The following UNC13C variants were observed in gnomAD, a reference collection of about 807,000 sequenced individuals.
UNC13C encodes protein unc-13 homolog C.
A neutral mutation model predicts 245.4 loss-of-function variants in UNC13C; 174 were observed. The observed-to-expected ratio is 0.71, with a 90% confidence interval of 0.63 to 0.80. UNC13C has a LOEUF of 0.80. Ranked by LOEUF, UNC13C falls within the 30% of genes least tolerant of loss-of-function variation. The pLI is 0.00. For missense variants in UNC13C, 2,829 were observed against 2,602.9 expected (o/e 1.09, Z -1.89); for synonymous variants, 992 against 895.1 (o/e 1.11, Z -1.93).
intron 23 of UNC13C, among the ~76,000 whole-genome samples, chr15:54,510,040 G>A (rs1894665455): frequency 6.6e-6 from 1 of 152,072 alleles, no homozygotes; most frequent in Non-Finnish European, 1.5e-5. Context: ...AAGAAGAGTT[G>A]GCAGTTGACC....
At chr15:53,879,750 C>T in the UNC13C span, among the ~76,000 whole-genome samples, 2 of 152,068 alleles carry the variant, frequency 1.3e-5, no homozygotes, top group Non-Finnish European at 2.9e-5. Flanking sequence ...ACCATGCCAG[C>T]TAATGTTTGT....
chr15:54,430,959 G>T (rs573738845), intron 19 of UNC13C, among the ~76,000 whole-genome samples: 2 of 151,704 alleles, frequency 1.3e-5, no homozygotes, highest in East Asian at 3.9e-4. Context: ...GAACCATGTT[G>T]CAACTTCTCT....
intron 2 of UNC13C, among the ~76,000 whole-genome samples, chr15:54,025,989 C>T (rs1022474005): frequency 1.3e-5 from 2 of 152,008 alleles, no homozygotes; most frequent in Admixed American, 1.3e-4. Flanking sequence ...GTGGAAAGCC[C>T]GTGGTTTTAG....
intron 17 of UNC13C, among the ~76,000 whole-genome samples, chr15:54,347,858 T>G (rs1051460863): frequency 6.6e-6 from 1 of 152,202 alleles, no homozygotes. Flanking sequence ...AAATCTCTGT[T>G]ATGAATTTCT....
intron 30 of UNC13C, among the ~76,000 whole-genome samples, chr15:54,586,309 TAAAC>T (rs761125434): frequency 6.6e-5 from 10 of 152,236 alleles, no homozygotes; most frequent in Non-Finnish European, 1.5e-4. Flanking sequence ...TTGGGTAACT[TAAAC>T]AAGAGATATT....
At chr15:54,204,097 A>G (rs1000620073) in intron 4 of UNC13C, among the ~76,000 whole-genome samples, 5 of 151,770 alleles carry the variant, frequency 3.3e-5, no homozygotes, top group African/African-American at 1.2e-4. Context: ...CTAACCTATG[A>G]GGACACAAAG....
intron 10 of UNC13C, among the ~76,000 whole-genome samples, chr15:54,280,682 A>G (rs573251514): frequency 0.15 from 13,777 of 92,474 alleles, 772 homozygotes; most frequent in African/African-American, 0.24. Context: ...ATACATATAT[A>G]CATATATAAA....
the UNC13C span, chr15:53,955,720 GC>G: frequency 6.6e-6 from 1 of 152,142 alleles, no homozygotes; most frequent in East Asian, 1.9e-4. Flanking sequence ...AAATCTGGAG[GC>G]TTTAAACATG....
chr15:53,986,828 G>A (rs1034932405), intron 1 of UNC13C, among the ~76,000 whole-genome samples: 1 of 151,980 alleles, frequency 6.6e-6, no homozygotes, highest in African/African-American at 2.4e-5. Context: ...CCTGTTATAT[G>A]TTAATGCAAA....
chr15:54,019,851 C>T (rs1226360341), intron 2 of UNC13C, among the ~76,000 whole-genome samples: 1 of 152,064 alleles, frequency 6.6e-6, no homozygotes, highest in Non-Finnish European at 1.5e-5. Flanking sequence ...AGTAGTTGTT[C>T]CTGGGATGTT....
intron 32 of UNC13C, among the ~76,000 whole-genome samples, chr15:54,625,012 G>A (rs1474299254): frequency 6.6e-6 from 1 of 152,032 alleles, no homozygotes; most frequent in Non-Finnish European, 1.5e-5. Flanking sequence ...ATGTATTATT[G>A]AAATACACTA....
chr15:53,921,943 G>C, the UNC13C span, among the ~76,000 whole-genome samples: 13 of 152,184 alleles, frequency 8.5e-5, no homozygotes, highest in Admixed American at 4.6e-4. Flanking sequence ...CGACTTGTGA[G>C]TTAGTTGGTT....
intron 2 of UNC13C, among the ~76,000 whole-genome samples, chr15:54,099,688 A>G (rs533274267): frequency 1.3e-5 from 2 of 152,132 alleles, no homozygotes; most frequent in Non-Finnish European, 2.9e-5. Flanking sequence ...AAAATGAAAG[A>G]AAATCTCTTG....
At chr15:53,987,203 T>C (rs1595681325) in intron 1 of UNC13C, among the ~76,000 whole-genome samples, 2 of 152,190 alleles carry the variant, frequency 1.3e-5, no homozygotes, top group South Asian at 2.1e-4. Flanking sequence ...TTTAGATAAA[T>C]AGGCATTTCT....
the UNC13C span, among the ~76,000 whole-genome samples, chr15:53,885,060 TTAA>T: frequency 1.3e-5 from 2 of 152,234 alleles, no homozygotes; most frequent in Non-Finnish European, 2.9e-5. Context: ...AGAGTGGATC[TTAA>T]TATATATGCA....
chr15:54,014,489 C>A lies in UNC13C; in HGVS notation c.1586C>A (p.Ala529Glu), dbSNP rs749679263. The A allele has an allele frequency of 6.3e-5, 102 of 1,613,660 alleles. No homozygotes were observed. Among genetic ancestry groups the A allele is most frequent in the Non-Finnish European group, 7.8e-5 (92 of 1,179,798 alleles). The change falls in exon 2 of 33, where the codon GCA becomes GAA. Residue 529 changes from alanine to glutamate, a missense_variant. By Grantham distance (107) the Ala-to-Glu change is moderately radical. Coordinates refer to ENST00000260323, the MANE Select transcript of UNC13C (RefSeq NM_001080534.3). Reference protein sequence around the residue: ...ILEKQTTTHYADATPLWHSQS... With the variant: ...ILEKQTTTHYEDATPLWHSQS... The stretch of plus-strand genomic sequence containing the variant: ...GAAAAGCAAACCACAACCCATTATG[C>A]AGATGCAACACCTCTCTGGCACTCA...
At chr15:53,875,399 C>G in the UNC13C span, among the ~76,000 whole-genome samples, 2 of 152,098 alleles carry the variant, frequency 1.3e-5, no homozygotes, top group Admixed American at 1.3e-4. Context: ...TCTGTATGCT[C>G]ACTGTAGTTT....
At chr15:54,241,400 C>T (rs890373090) in intron 7 of UNC13C, among the ~76,000 whole-genome samples, 1 of 152,114 alleles carries the variant, frequency 6.6e-6, no homozygotes, top group Non-Finnish European at 1.5e-5. Context: ...CTCAGAACAC[C>T]TCTCTGAGAC....
At chr15:54,176,381 TG>T (rs1233380372) in intron 4 of UNC13C, among the ~76,000 whole-genome samples, 1 of 152,210 alleles carries the variant, frequency 6.6e-6, no homozygotes, top group African/African-American at 2.4e-5. Context: ...TAACTTAGGT[TG>T]TCTGTTCTGT....
Sources: allele counts gnomAD v4.1 joint callset (sites outside exome capture counted in the v4.1 genomes callset), GRCh38; gene constraint gnomAD v4.1.1; transcripts MANE v1.5; gene names NCBI Gene and HGNC (gene_info 2026-07-23, HGNC 2026-07-21).